The following DNAI4 variants were observed in gnomAD, a reference collection of about 807,000 sequenced individuals.
DNAI4 encodes the protein dynein axonemal intermediate chain 4, also known as WD repeat domain 78.
In DNAI4, 85 loss-of-function variants were observed where a neutral mutation model predicts 105.8. That is an observed-to-expected ratio of 0.80 (90% CI 0.67 to 0.96). The LOEUF is 0.96. DNAI4 is among the 40% of genes least tolerant of loss of function. The pLI is 0.00. For synonymous variants in DNAI4, 352 were observed against 331.5 expected, an observed-to-expected ratio of 1.06 and a Z score of -0.67; for missense variants, 1,014 against 1,005.6, an observed-to-expected ratio of 1.01 and a Z score of -0.11.
At chr1:66,919,299 C>G (rs1293702892) in intron 1 of DNAI4, among the ~76,000 whole-genome samples, 7 of 152,164 alleles carry the variant, frequency 4.6e-5, no homozygotes, top group Non-Finnish European at 1.0e-4. Context: ...CTAGATAGCT[C>G]TAGTCTAACA....
chr1:66,838,822 T>C (rs1053794197), intron 9 of DNAI4, among the ~76,000 whole-genome samples: 2 of 152,176 alleles, frequency 1.3e-5, no homozygotes, highest in African/African-American at 4.8e-5. Context: ...ATTCAAGAGC[T>C]TCTTGTATGT....
chr1:66,903,354 C>A (rs1648982313), intron 2 of DNAI4, among the ~76,000 whole-genome samples: 1 of 152,122 alleles, frequency 6.6e-6, no homozygotes, highest in Non-Finnish European at 1.5e-5. Flanking sequence ...GTTAGAAATG[C>A]AACTAATTTG....
chr1:66,875,053 C>A, intron 4 of DNAI4, 116 bp from the exon 5 acceptor site: 2 of 1,002,724 alleles, frequency 2.0e-6, no homozygotes, highest in Non-Finnish European at 1.4e-6. Flanking sequence ...TTTATATAGT[C>A]AAGGAACAGG....
intron 15 of DNAI4, among the ~76,000 whole-genome samples, chr1:66,825,059 T>C (rs1266317756): frequency 6.6e-6 from 1 of 151,934 alleles, no homozygotes; most frequent in South Asian, 2.1e-4. Context: ...GATATAAAGA[T>C]AGGAATATAT....
chr1:66,833,928 G>T, intron 12 of DNAI4, 63 bp downstream of exon 12: 1 of 1,515,574 alleles, frequency 6.6e-7, no homozygotes. Flanking sequence ...TTTCACACAT[G>T]GTTAACTAGA....
intron 13 of DNAI4, among the ~76,000 whole-genome samples, chr1:66,829,543 C>A (rs944299020): frequency 1.3e-5 from 2 of 151,750 alleles, no homozygotes; most frequent in African/African-American, 4.8e-5. Flanking sequence ...TATGTATGTA[C>A]CTAATAAGAA....
intron 5 of DNAI4, among the ~76,000 whole-genome samples, chr1:66,873,275 TCG>T (rs2100668909): frequency 6.7e-6 from 1 of 149,738 alleles, no homozygotes; most frequent in Non-Finnish European, 1.5e-5. Context: ...ATGGTCTCTC[TCG>T]GTTGACCAGG....
chr1:66,854,850 C>G (rs1646467850), intron 7 of DNAI4, among the ~76,000 whole-genome samples: 1 of 152,196 alleles, frequency 6.6e-6, no homozygotes, highest in Middle Eastern at 3.4e-3. Context: ...GTTCAAAGAT[C>G]TAAATAAATG....
At position 66,868,635 on chromosome 1, in the gene DNAI4, T is replaced by A. The variant is rs1424968200; in HGVS notation, c.940+2735A>T. 2.6e-5 allele frequency among the ~76,000 whole-genome samples: 4 copies of A among 152,176 alleles called. No homozygotes were observed. The East Asian group carries it at 7.7e-4, about 29-fold the overall frequency. On this transcript the variant is annotated intron_variant, in intron 6 of 16. Transcript: ENST00000371026. The stretch of plus-strand genomic sequence containing the variant: ...AGAGGTAGACTGGAATCGATACTGT[T>A]GGCTCTTCAACTCTCAGGGCTTCAA...
intron 13 of DNAI4, among the ~76,000 whole-genome samples, chr1:66,830,425 A>C (rs1383577193): frequency 6.6e-6 from 1 of 152,128 alleles, no homozygotes; most frequent in Non-Finnish European, 1.5e-5. Flanking sequence ...GGATCACTTG[A>C]GCCCAGGAGT....
rs879769519 is a variant in DNAI4, at chr1:66,868,385, C to T, written c.940+2985G>A. ...CAGGATGCCTAGCTAGCTGGTTAAA[C>T]GTTGTATCTGGGTGTATCTGTGAGG... On this transcript the variant is annotated intron_variant, in intron 6 of 16. Transcript: ENST00000371026. 3.8e-4 allele frequency among the ~76,000 whole-genome samples: 58 copies of T among 152,224 alleles called. 1 individual carries two copies. The highest frequency in any genetic ancestry group is 3.3e-3 in the Admixed American group (50 of 15,290).
At chr1:66,865,795 A>G (rs1338230785) in intron 6 of DNAI4, among the ~76,000 whole-genome samples, 1 of 152,196 alleles carries the variant, frequency 6.6e-6, no homozygotes, top group Admixed American at 6.5e-5. Context: ...TCTCTTATGG[A>G]ATTAGTCACT....
At chr1:66,855,767 C>T (rs1321609562) in intron 7 of DNAI4, among the ~76,000 whole-genome samples, 2 of 152,190 alleles carry the variant, frequency 1.3e-5, no homozygotes, top group Non-Finnish European at 2.9e-5. Flanking sequence ...GGAGACTTAA[C>T]ACTCCTCTAT....
intron 6 of DNAI4, among the ~76,000 whole-genome samples, chr1:66,863,545 G>C (rs946929347): frequency 6.6e-6 from 1 of 152,052 alleles, no homozygotes; most frequent in Non-Finnish European, 1.5e-5. Context: ...TGCAACCTAT[G>C]TGTCCCGGGT....
At chr1:66,893,057 G>GAAAA (rs1557965213) in intron 3 of DNAI4, among the ~76,000 whole-genome samples, 172 bp downstream of exon 3, 4 of 91,336 alleles carry the variant, frequency 4.4e-5, no homozygotes, top group Non-Finnish European at 6.8e-5. Flanking sequence ...GAAAGAAAGA[G>GAAAA]AGAGAGAGAA....
At chr1:66,873,843 C>T (rs977450423) in intron 5 of DNAI4, among the ~76,000 whole-genome samples, 1 of 149,438 alleles carries the variant, frequency 6.7e-6, no homozygotes, top group South Asian at 2.1e-4. Context: ...TTTCTTTTTT[C>T]CCTCTTTCCT....
chr1:66,907,491 C>G (rs999843242), intron 1 of DNAI4, among the ~76,000 whole-genome samples: 3 of 152,130 alleles, frequency 2.0e-5, no homozygotes, highest in African/African-American at 4.8e-5. Context: ...TTCCTTTGAG[C>G]TCCCCTTTTA....
chr1:66,847,683 A>C lies in DNAI4; in HGVS notation c.1097-5T>G. ...TTAGAGAACTAGTTTCACTATCTAC[A>C]AAATACAAACATGATACAATGATAA... On this transcript the variant is annotated splice_region_variant and splice_polypyrimidine_tract_variant and intron_variant, in intron 7 of 16. Transcript: ENST00000371026. 6.3e-7 allele frequency: 1 copy of C among 1,583,400 alleles called. No individual in the cohort carries two copies. The highest frequency in any genetic ancestry group is 8.6e-7 in the Non-Finnish European group (1 of 1,160,626).
chr1:66,866,733 G>C (rs567268553), intron 6 of DNAI4, among the ~76,000 whole-genome samples: 64 of 152,176 alleles, frequency 4.2e-4, no homozygotes, highest in African/African-American at 1.5e-3. Context: ...CTTGACATTT[G>C]GTTGGATGTA....
Sources: gnomAD v4.1 joint callset for allele counts (sites outside exome capture counted in the v4.1 genomes callset) on GRCh38, gnomAD v4.1.1 for gene constraint, MANE v1.5 for transcripts, NCBI Gene and HGNC (gene_info 2026-07-23, HGNC 2026-07-21) for gene names.